The following TBCD variants were observed in gnomAD, a reference collection of about 807,000 sequenced individuals.
TBCD encodes the protein tubulin-specific chaperone D.
In TBCD, 105 loss-of-function variants were observed where a neutral mutation model predicts 169.3. The ratio of observed to expected loss-of-function variants is 0.62; its 90% CI spans 0.53 to 0.73. TBCD has a LOEUF of 0.73. Among genes scored for constraint, TBCD ranks in the 30% least tolerant of loss-of-function variants. The pLI is 0.00. For synonymous variants in TBCD, 700 were observed against 643.9 expected, an observed-to-expected ratio of 1.09 and a Z score of -1.32; for missense variants, 1,444 against 1,600.1, an observed-to-expected ratio of 0.90 and a Z score of 1.66.
intron 6 of TBCD, among the ~76,000 whole-genome samples, chr17:82,774,161 A>G (rs1055206959): frequency 5.3e-5 from 8 of 151,984 alleles, no homozygotes; most frequent in African/African-American, 1.9e-4. Context: ...ACATGTGAAC[A>G]AAGGTCTCTG....
At chr17:82,876,897 C>T (rs963039144) in intron 14 of TBCD, 22 of 921,226 alleles carry the variant, frequency 2.4e-5, no homozygotes, top group Non-Finnish European at 2.6e-5. Flanking sequence ...GGAGTGCCTG[C>T]GTCTCCTGCT....
chr17:82,850,573 TG>T (rs1435921699), intron 13 of TBCD, among the ~76,000 whole-genome samples: 12 of 150,078 alleles, frequency 8.0e-5, no homozygotes, highest in African/African-American at 2.9e-4. Context: ...TTGTTGGCTG[TG>T]CTGCTGTTGG....
chr17:82,879,078 T>C (rs1406231040), intron 14 of TBCD, among the ~76,000 whole-genome samples: 4 of 103,088 alleles, frequency 3.9e-5, no homozygotes, highest in Non-Finnish European at 6.5e-5. Context: ...TTTTTTTTTT[T>C]TCTTTTTTCC....
rs1017228157 is a variant in TBCD, at chr17:82,835,323, G to A, written c.1318+20389G>A. Among the ~76,000 whole-genome samples the A allele has an allele frequency of 2.0e-5, 3 of 152,170 alleles. No homozygotes were observed. The highest frequency in any genetic ancestry group is 7.2e-5 in the African/African-American group (3 of 41,458). ...TTCCTCCCACACGCCAGGGGCCAGG[G>A]GTGGTGGCTGGGCTTTCATATGGCT... is the stretch of plus-strand genomic sequence containing the variant. On this transcript the variant is annotated intron_variant, in intron 13 of 38. Coordinates refer to ENST00000355528, the MANE Select transcript of TBCD (RefSeq NM_005993.5). The surrounding 1 kb of genome is among the most constrained non-coding windows in gnomAD (Gnocchi z 4.5).
In TBCD at chr17:82,903,863, G is replaced by A. The variant is rs1599400705; in HGVS notation, c.1804+385G>A. ...TCTAGGTGGCTCGCACCTGCCACAC[G>A]ACACTCCCTGGTCTCTAGGTGGCTC... On this transcript the variant is annotated intron_variant, in intron 19 of 38. Coordinates refer to ENST00000355528, the MANE Select transcript of TBCD (RefSeq NM_005993.5). This position sits in a 1 kb window ranked among gnomAD's most constrained non-coding sequence, Gnocchi z 4.8. Among the ~76,000 whole-genome samples the A allele has an allele frequency of 8.6e-4, 2 of 2,314 alleles. No homozygotes were observed. 1.5% of individuals were successfully genotyped at this position (2,314 alleles called of 152,430 possible).
intron 2 of TBCD, among the ~76,000 whole-genome samples, chr17:82,763,131 C>T (rs2047852432): frequency 6.6e-6 from 1 of 152,140 alleles, no homozygotes; most frequent in East Asian, 1.9e-4. Context: ...TCTATCAGTT[C>T]CTGAAACAGG....
chr17:82,929,769 C>T (rs1281646948), intron 32 of TBCD: 2 of 584,708 alleles, frequency 3.4e-6, no homozygotes, highest in East Asian at 2.9e-5. Flanking sequence ...CCCAGCGTCC[C>T]CTCGGGGTTC....
chr17:82,897,386 C>T (rs56306908), intron 17 of TBCD, among the ~76,000 whole-genome samples: 40,173 of 151,522 alleles, frequency 0.27, 6,027 homozygotes, highest in Admixed American at 0.34. Flanking sequence ...GGCATGGTGG[C>T]GCACCCCTGT....
chr17:82,905,467 G>A (rs12952711), intron 19 of TBCD, among the ~76,000 whole-genome samples: 41,784 of 133,318 alleles, frequency 0.31, 7,876 homozygotes, highest in African/African-American at 0.48. Flanking sequence ...GCGTGTGGGC[G>A]TCCCACAGGT....
chr17:82,901,083 A>T (rs1300183459), intron 18 of TBCD, among the ~76,000 whole-genome samples: 3 of 152,232 alleles, frequency 2.0e-5, no homozygotes, highest in Non-Finnish European at 2.9e-5. Flanking sequence ...ACTCTGCTCC[A>T]TGTGGCTCCA....
rs888867811 is a variant in TBCD, at chr17:82,944,600, A to G, written c.*2137A>G. 16 of 152,350 alleles carry G rather than the reference A, an allele frequency of 1.1e-4. No individual in the cohort carries two copies. The highest frequency in any genetic ancestry group is 3.4e-4 in the African/African-American group (14 of 41,584). The allele number at this position is 152,350 out of a possible 1,614,324, so 9.4% of individuals were successfully genotyped here. ...AGGTCCAGACTGTGTCCAATGGCAG[A>G]AAAGAGAATGCTTGTGGTCCCAGAA... On this transcript the variant is annotated 3_prime_UTR_variant, in exon 39 of 39. Transcript: ENST00000355528.
At position 82,887,160 on chromosome 17, in the gene TBCD, T is replaced by TGCGCGC. The variant is rs1209530928; in HGVS notation, c.1534-2507_1534-2506insCGCGCG. Among the ~76,000 whole-genome samples, 82 of 109,060 alleles carry TGCGCGC rather than the reference T, an allele frequency of 7.5e-4. 1 individual carries two copies. Among genetic ancestry groups the TGCGCGC allele is most frequent in the African/African-American group, 3.5e-3 (80 of 23,126 alleles). The allele number at this position is 109,060 out of a possible 152,430, so 71.5% of individuals were successfully genotyped here. A position where few individuals can be genotyped will look rare whatever the true frequency, so the allele number is the denominator to read the frequency against. ...GTGTGTGTGTGTGTGTGTGTGTGTG[T>TGCGCGC]GTGTGTGTGCGCGCGCGCGCACGTG... On this transcript the variant is annotated intron_variant, in intron 15 of 38. Transcript: ENST00000355528.
chr17:82,827,633 GAC>G (rs1185024951), intron 13 of TBCD, among the ~76,000 whole-genome samples: 6 of 152,218 alleles, frequency 3.9e-5, no homozygotes, highest in South Asian at 4.1e-4. Flanking sequence ...TGTGCACACT[GAC>G]ACATGCACGT....
intron 13 of TBCD, among the ~76,000 whole-genome samples, chr17:82,827,971 A>G (rs1414483979): frequency 6.8e-6 from 1 of 148,132 alleles, no homozygotes; most frequent in Admixed American, 6.7e-5. Context: ...ACTCACAGAT[A>G]CGCACACATG....
rs575988919 is a variant in TBCD, at chr17:82,914,648, C to T, written c.2038+2859C>T. ...CCCTCCCTGGGGGCCCCTTGGCTGCCTGCACTCCCCAGCCGTGACCTCAGC... is the reference window on the plus strand; with the variant it reads ...CCCTCCCTGGGGGCCCCTTGGCTGCTTGCACTCCCCAGCCGTGACCTCAGC... On this transcript the variant is annotated intron_variant, in intron 23 of 38. Coordinates refer to ENST00000355528, the MANE Select transcript of TBCD (RefSeq NM_005993.5). Among the ~76,000 whole-genome samples, 102 of 152,328 alleles carry T rather than the reference C, an allele frequency of 6.7e-4. 1 individual carries two copies. The highest frequency in any genetic ancestry group is 2.4e-3 in the African/African-American group (101 of 41,574).
intron 7 of TBCD, among the ~76,000 whole-genome samples, chr17:82,781,983 G>C (rs3744163): frequency 0.39 from 59,234 of 152,128 alleles, 11,618 homozygotes; most frequent in Middle Eastern, 0.42. Flanking sequence ...CCACGCAGCC[G>C]GGGCTCCCCA....
intron 13 of TBCD, among the ~76,000 whole-genome samples, chr17:82,866,263 C>T (rs576114051): frequency 1.3e-5 from 2 of 152,274 alleles, no homozygotes; most frequent in East Asian, 3.9e-4. Context: ...TCCCCTTTAT[C>T]CCGAGCAGGA....
intron 7 of TBCD, among the ~76,000 whole-genome samples, chr17:82,785,103 G>A (rs1208569587): frequency 2.0e-5 from 2 of 101,542 alleles, no homozygotes; most frequent in Admixed American, 9.2e-5. Flanking sequence ...GCGGGAGGGG[G>A]GTCCATGCTG....
At chr17:82,924,750 CA>C (rs565076997) in intron 26 of TBCD, among the ~76,000 whole-genome samples, 188 bp from the exon 27 acceptor site, 6 of 150,046 alleles carry the variant, frequency 4.0e-5, no homozygotes, top group East Asian at 1.9e-4. Flanking sequence ...GAGACTCTCT[CA>C]AAAAAAAAAT....
Sources: allele counts gnomAD v4.1 joint callset (sites outside exome capture counted in the v4.1 genomes callset), GRCh38; gene constraint gnomAD v4.1.1; non-coding constraint Gnocchi (gnomAD v3.1); transcripts MANE v1.5; gene names NCBI Gene and HGNC (gene_info 2026-07-23, HGNC 2026-07-21).